Variants in FAM117B observed in about 807,000 individuals in gnomAD.
FAM117B encodes protein FAM117B.
A neutral mutation model predicts 52.8 loss-of-function variants in FAM117B; 22 were observed. That is an observed-to-expected ratio of 0.42 (90% CI 0.30 to 0.59). The LOEUF is 0.59. Ranked by LOEUF, FAM117B falls within the 20% of genes least tolerant of loss-of-function variation. FAM117B has a pLI of 0.22. For synonymous variants in FAM117B, 309 were observed against 324.1 expected (o/e 0.95, Z 0.50); for missense variants, 678 against 802.6 (o/e 0.84, Z 1.88).
chr2:202,668,018 T>G (rs1690230740), intron 1 of FAM117B, among the ~76,000 whole-genome samples: 1 of 149,974 alleles, frequency 6.7e-6, no homozygotes, highest in South Asian at 2.1e-4. Flanking sequence ...AGGCCAGGAG[T>G]TTGCTTAGGC....
chr2:202,749,653 C>A (rs1291588905), intron 4 of FAM117B, among the ~76,000 whole-genome samples: 1 of 152,072 alleles, frequency 6.6e-6, no homozygotes, highest in Non-Finnish European at 1.5e-5. Flanking sequence ...GCAGTCCAGG[C>A]ACAGTGACTC....
chr2:202,671,383 A>C (rs1004725641), intron 1 of FAM117B, among the ~76,000 whole-genome samples: 1 of 152,228 alleles, frequency 6.6e-6, no homozygotes, highest in African/African-American at 2.4e-5. Flanking sequence ...TACATAGAGA[A>C]TATGCCTCTG....
intron 4 of FAM117B, among the ~76,000 whole-genome samples, chr2:202,741,775 A>G (rs533413730): frequency 2.0e-5 from 3 of 152,108 alleles, no homozygotes; most frequent in Non-Finnish European, 2.9e-5. Flanking sequence ...TGACCTCGTG[A>G]TCCACCTGCC....
intron 1 of FAM117B, among the ~76,000 whole-genome samples, chr2:202,675,456 A>AAAAC: frequency 6.7e-6 from 1 of 150,280 alleles, no homozygotes; most frequent in African/African-American, 2.4e-5. Flanking sequence ...AAAAAAAAAA[A>AAAAC]AAAAAAAAAA....
chr2:202,759,174 C>T (rs1026783102), intron 6 of FAM117B, 59 bp from the exon 7 acceptor site: 15 of 1,586,878 alleles, frequency 9.5e-6, no homozygotes, highest in Non-Finnish European at 1.2e-5. Flanking sequence ...AGTCCAAGAA[C>T]AATTAAATAT....
chr2:202,734,073 G>C (rs1691401118), intron 4 of FAM117B, among the ~76,000 whole-genome samples: 1 of 152,316 alleles, frequency 6.6e-6, no homozygotes, highest in East Asian at 1.9e-4. Flanking sequence ...CAGTCCCTCT[G>C]TTCGGGTTCC....
chr2:202,690,290 G>C (rs1159842909), intron 1 of FAM117B, among the ~76,000 whole-genome samples: 1 of 152,180 alleles, frequency 6.6e-6, no homozygotes, highest in African/African-American at 2.4e-5. Context: ...ACTTGTCCTT[G>C]TTGATAAATG....
chr2:202,749,217 C>G (rs981942097), intron 4 of FAM117B, among the ~76,000 whole-genome samples: 6 of 151,978 alleles, frequency 3.9e-5, no homozygotes, highest in African/African-American at 1.5e-4. Flanking sequence ...TAGCTCCTCA[C>G]CCCAGGAATT....
At position 202,635,005 on chromosome 2, in the gene FAM117B, CGGCG is replaced by C. The variant is rs1689646435; in HGVS notation, c.-181_-178del. Reference sequence around the variant, plus strand: ...TATTGTTGATGAGGAGCGGCGGCGGCGGCGGCGGCGGCTGCACCACCTCGTTGCT... The same window carrying C: ...TATTGTTGATGAGGAGCGGCGGCGGCGCGGCGGCTGCACCACCTCGTTGCT... On this transcript the variant is annotated 5_prime_UTR_variant, in exon 1 of 8. Transcript: ENST00000392238. 3.9e-5 allele frequency among the ~76,000 whole-genome samples: 6 copies of C among 151,972 alleles called. No homozygotes were observed. The highest frequency in any genetic ancestry group is 8.8e-5 in the Non-Finnish European group (6 of 67,980).
intron 4 of FAM117B, among the ~76,000 whole-genome samples, chr2:202,754,750 TGTG>T (rs1691775861): frequency 6.6e-6 from 1 of 150,468 alleles, no homozygotes; most frequent in Non-Finnish European, 1.5e-5. Context: ...ATTAGCCAGG[TGTG>T]GTGGCGGGTG....
chr2:202,761,702 T>A (rs909283494), intron 7 of FAM117B, among the ~76,000 whole-genome samples: 6 of 151,994 alleles, frequency 3.9e-5, no homozygotes, highest in African/African-American at 1.5e-4. Context: ...AAGTTTTGTA[T>A]TTTTAGTAGA....
At chr2:202,700,146 C>A (rs2105778485) in intron 2 of FAM117B, among the ~76,000 whole-genome samples, 1 of 152,284 alleles carries the variant, frequency 6.6e-6, no homozygotes, top group African/African-American at 2.4e-5. Context: ...TTACAATGCC[C>A]TCTAAGGGTC....
At chr2:202,666,008 ATATT>A (rs1690200262) in intron 1 of FAM117B, among the ~76,000 whole-genome samples, 1 of 152,242 alleles carries the variant, frequency 6.6e-6, no homozygotes, top group Non-Finnish European at 1.5e-5. Context: ...ATTGATATAA[ATATT>A]ACAAACACAA....
chr2:202,699,897 T>C (rs973449536), intron 2 of FAM117B, among the ~76,000 whole-genome samples: 2 of 152,240 alleles, frequency 1.3e-5, no homozygotes, highest in Non-Finnish European at 2.9e-5. Flanking sequence ...TTGGTAGTTC[T>C]TGCAATATTT....
At chr2:202,738,998 A>T (rs1691482890) in intron 4 of FAM117B, among the ~76,000 whole-genome samples, 1 of 152,096 alleles carries the variant, frequency 6.6e-6, no homozygotes, top group African/African-American at 2.4e-5. Flanking sequence ...AGACCAGCCT[A>T]GCCAGTATGG....
chr2:202,685,426 C>T (rs980348467), intron 1 of FAM117B, among the ~76,000 whole-genome samples: 3 of 152,082 alleles, frequency 2.0e-5, no homozygotes, highest in African/African-American at 7.2e-5. Flanking sequence ...TAATATAAGC[C>T]TGCAGTTAAC....
At position 202,751,374 on chromosome 2, in the gene FAM117B, G is replaced by T. The variant is rs61140801; in HGVS notation, c.961-4164G>T. Among the ~76,000 whole-genome samples the T allele has an allele frequency of 5.0e-3, 766 of 152,244 alleles. 7 individuals are homozygous for T. Among genetic ancestry groups the T allele is most frequent in the African/African-American group, 0.018 (743 of 41,536 alleles). The stretch of plus-strand genomic sequence containing the variant: ...CTAAACTGTATATAGAGTTGTCACC[G>T]CTTATGAAAGCTGAAAGGGTCTAAC... On this transcript the variant is annotated intron_variant, in intron 4 of 7. Coordinates refer to ENST00000392238, the MANE Select transcript of FAM117B (RefSeq NM_173511.4).
chr2:202,667,880 AGGT>A (rs1690229304), intron 1 of FAM117B, among the ~76,000 whole-genome samples: 2 of 151,780 alleles, frequency 1.3e-5, no homozygotes, highest in Non-Finnish European at 2.9e-5. Context: ...TAGTGGATTG[AGGT>A]TATAGGGTGA....
chr2:202,720,014 T>C (rs77583251), intron 2 of FAM117B, among the ~76,000 whole-genome samples: 3,155 of 152,276 alleles, frequency 0.021, 125 homozygotes, highest in African/African-American at 0.073. Context: ...TCAGTGATGT[T>C]AAGTTTGATC....
Sources: allele counts gnomAD v4.1 joint callset (sites outside exome capture counted in the v4.1 genomes callset), GRCh38; gene constraint gnomAD v4.1.1; transcripts MANE v1.5; gene names NCBI Gene and HGNC (gene_info 2026-07-23, HGNC 2026-07-21).